The following TNS3 variants were observed in gnomAD, a reference collection of about 807,000 sequenced individuals.
TNS3 encodes tensin-3.
In TNS3, 45 loss-of-function variants were observed where a neutral mutation model predicts 140.9. The ratio of observed to expected loss-of-function variants is 0.32; its 90% CI spans 0.25 to 0.41. TNS3 has a LOEUF of 0.41. Ranked by LOEUF, TNS3 falls within the 10% of genes least tolerant of loss-of-function variation. The probability of loss-of-function intolerance (pLI) is 1.00; values close to 1 mark genes in which losing one functional copy is unlikely to be tolerated. For missense variants in TNS3, 1,716 were observed against 1,906.7 expected (o/e 0.90, Z 1.86); for synonymous variants, 815 against 788.4 (o/e 1.03, Z -0.56).
At chr7:47,431,639 A>C (rs1169396274) in intron 8 of TNS3, among the ~76,000 whole-genome samples, 1 of 152,226 alleles carries the variant, frequency 6.6e-6, no homozygotes, top group East Asian at 1.9e-4. Flanking sequence ...TGAAGGAACA[A>C]AGAACAAACT....
intron 3 of TNS3, among the ~76,000 whole-genome samples, chr7:47,482,429 A>G (rs920542336): frequency 6.6e-6 from 1 of 152,180 alleles, no homozygotes; most frequent in African/African-American, 2.4e-5. Context: ...GGGCCCCTTT[A>G]AAGTTTGATG....
chr7:47,354,343 C>T (rs965770539), intron 17 of TNS3, among the ~76,000 whole-genome samples: 1 of 152,034 alleles, frequency 6.6e-6, no homozygotes, highest in Non-Finnish European at 1.5e-5. Context: ...CTGGGCGATC[C>T]GCCCTCCCAC....
Position 47,303,074 on chromosome 7 carries a change from C to A in TNS3, c.3333G>T (p.Leu1111Phe). ...CACTGGAGGAGGGAGAGACTGAGCC[C>A]AAAGAACGATCCCCCTCCGAGGCCC... ...KKRASEGDRS[L>F]GSVSPSSSGF... Residue 1111 changes from leucine (L) to phenylalanine (F), a missense_variant, in exon 22 of 31, where the codon TTG becomes TTT. By Grantham distance (22) the Leu-to-Phe change is conservative. Transcript: ENST00000311160. 1 of 1,614,198 alleles carries A rather than the reference C, an allele frequency of 6.2e-7. No individual in the cohort carries two copies. Among genetic ancestry groups the A allele is most frequent in the Non-Finnish European group, 8.5e-7 (1 of 1,180,028 alleles).
At chr7:47,540,119 G>A (rs1220163018) in intron 1 of TNS3, among the ~76,000 whole-genome samples, 3 of 152,126 alleles carry the variant, frequency 2.0e-5, no homozygotes, top group East Asian at 3.9e-4. Flanking sequence ...TACTCGCCAG[G>A]TTGTCTCACC....
intron 16 of TNS3, among the ~76,000 whole-genome samples, chr7:47,396,158 A>G (rs1421836215): frequency 6.6e-6 from 1 of 152,214 alleles, no homozygotes; most frequent in African/African-American, 2.4e-5. Context: ...CATGCTAGGA[A>G]AAGCCTCAAT....
intron 2 of TNS3, among the ~76,000 whole-genome samples, chr7:47,518,500 CTT>C (rs1319957045): frequency 6.6e-6 from 1 of 152,174 alleles, no homozygotes; most frequent in Non-Finnish European, 1.5e-5. Context: ...CTCTTTCTCT[CTT>C]TCTTTCCACG....
At chr7:47,380,158 G>A (rs974158569) in intron 16 of TNS3, among the ~76,000 whole-genome samples, 5 of 152,234 alleles carry the variant, frequency 3.3e-5, no homozygotes, top group African/African-American at 9.6e-5. Flanking sequence ...TGTGGCAGGC[G>A]TGTCACAGAC....
At chr7:47,502,453 C>T (rs776699608) in intron 3 of TNS3, among the ~76,000 whole-genome samples, 50 of 152,322 alleles carry the variant, frequency 3.3e-4, no homozygotes, top group Non-Finnish European at 6.0e-4. Context: ...CCGTGTTTTC[C>T]ATGGCAGAGG....
At chr7:47,556,954 T>G in intron 1 of TNS3, 2 of 450,660 alleles carry the variant, frequency 4.4e-6, no homozygotes, top group East Asian at 1.4e-4. Context: ...CCCAGCCCTC[T>G]GTCCTCCAGT....
At chr7:47,514,788 T>G (rs940003308) in intron 2 of TNS3, among the ~76,000 whole-genome samples, 1 of 152,194 alleles carries the variant, frequency 6.6e-6, no homozygotes, top group Non-Finnish European at 1.5e-5. Flanking sequence ...ATCTACCTTC[T>G]TCCAGGGACC....
chr7:47,398,505 A>G (rs949979511), intron 15 of TNS3, among the ~76,000 whole-genome samples: 3 of 152,318 alleles, frequency 2.0e-5, no homozygotes, highest in African/African-American at 4.8e-5. Flanking sequence ...CCCAGGAAGC[A>G]GGGGTGATTT....
At position 47,292,936 on chromosome 7, in the gene TNS3, C is replaced by G. The variant is rs778224986; in HGVS notation, c.3773-31G>C. On this transcript the variant is annotated intron_variant, in intron 25 of 30. Transcript: ENST00000311160. ...AAGTGGACAGACAGCAAACAAGAGT[C>G]AACAACTGCTGTAGATGTTGTGTGC... 4 of 1,601,152 alleles carry G rather than the reference C, an allele frequency of 2.5e-6. No individual in the cohort carries two copies. The Admixed American group carries it at 6.7e-5, about 27-fold the overall frequency.
At chr7:47,358,589 G>A (rs1270006806) in intron 17 of TNS3, among the ~76,000 whole-genome samples, 16 of 152,330 alleles carry the variant, frequency 1.1e-4, no homozygotes, top group East Asian at 1.9e-4. Flanking sequence ...CGACGCAGCC[G>A]GTGACTTCTG....
intron 24 of TNS3, among the ~76,000 whole-genome samples, chr7:47,295,893 C>A (rs977411464): frequency 1.3e-5 from 2 of 152,206 alleles, no homozygotes; most frequent in Non-Finnish European, 2.9e-5. Flanking sequence ...TGGAAAAATT[C>A]TCTCAGGTAT....
At chr7:47,577,767 G>A (rs577467983) in intron 1 of TNS3, among the ~76,000 whole-genome samples, 9 of 152,242 alleles carry the variant, frequency 5.9e-5, no homozygotes, top group East Asian at 3.9e-4. Context: ...CTTGTTAGCC[G>A]CGTTATTAGG....
At chr7:47,382,332 A>C (rs557087168) in intron 16 of TNS3, among the ~76,000 whole-genome samples, 1 of 152,272 alleles carries the variant, frequency 6.6e-6, no homozygotes, top group South Asian at 2.1e-4. Context: ...GCCTTTGTGA[A>C]TATATGGCAA....
intron 2 of TNS3, among the ~76,000 whole-genome samples, chr7:47,515,096 TTAC>T (rs1174802532): frequency 2.0e-5 from 3 of 152,190 alleles, no homozygotes; most frequent in African/African-American, 7.2e-5. Context: ...TTTCTTTCCC[TTAC>T]TTAAAGTTCC....
intron 18 of TNS3, 136 bp from the exon 19 acceptor site, chr7:47,345,174 G>C: frequency 1.5e-6 from 1 of 667,038 alleles, no homozygotes; most frequent in South Asian, 1.8e-5. Context: ...GGAGGCTGAG[G>C]TCTGGATCCA....
chr7:47,392,827 T>C (rs1160296248), intron 16 of TNS3, among the ~76,000 whole-genome samples: 1 of 151,918 alleles, frequency 6.6e-6, no homozygotes, highest in East Asian at 1.9e-4. Context: ...CAAGGATGAG[T>C]TTTCTATCCA....
Sources: gnomAD v4.1 joint callset for allele counts (sites outside exome capture counted in the v4.1 genomes callset) on GRCh38, gnomAD v4.1.1 for gene constraint, MANE v1.5 for transcripts, NCBI Gene and HGNC (gene_info 2026-07-23, HGNC 2026-07-21) for gene names.